DAB1: variants seen among roughly 807,000 people sequenced by gnomAD.
DAB1 encodes DAB adaptor protein 1.
Under a neutral mutation model 64.6 loss-of-function variants are expected in DAB1, and 15 were observed. That is an observed-to-expected ratio of 0.23 (90% confidence interval 0.16 to 0.36). The LOEUF (loss-of-function observed/expected upper bound fraction) is 0.36, where lower values mean the gene tolerates loss of function less well. Ranked by LOEUF, DAB1 falls within the 10% of genes least tolerant of loss-of-function variation. The pLI is 1.00. For synonymous variants in DAB1, 235 were observed against 251.9 expected (o/e 0.93, Z 0.64); for missense variants, 596 against 706.7 (o/e 0.84, Z 1.78).
intron 7 of DAB1, among the ~76,000 whole-genome samples, chr1:57,521,158 T>G (rs1644521294): frequency 6.6e-6 from 1 of 152,194 alleles, no homozygotes; most frequent in Admixed American, 6.5e-5. Flanking sequence ...AAGCTTTCTC[T>G]GCTTCTCAGA....
chr1:58,439,789 C>G (rs1328862440), intron 3 of DAB1, among the ~76,000 whole-genome samples: 1 of 152,132 alleles, frequency 6.6e-6, no homozygotes, highest in Non-Finnish European at 1.5e-5. Flanking sequence ...TGTTGAGGCC[C>G]GTCTGTATAA....
At chr1:57,263,576 A>G (rs972781424) in intron 2 of DAB1, among the ~76,000 whole-genome samples, 1 of 152,202 alleles carries the variant, frequency 6.6e-6, no homozygotes, top group African/African-American at 2.4e-5. Flanking sequence ...GAGAAGTAGT[A>G]GCAGTGGTAG....
intron 1 of DAB1, among the ~76,000 whole-genome samples, chr1:57,336,024 G>A (rs970782993): frequency 6.6e-6 from 1 of 152,228 alleles, no homozygotes; most frequent in Non-Finnish European, 1.5e-5. Flanking sequence ...GCATTATGAT[G>A]TGATAAAACC....
chr1:57,796,665 G>A (rs1413915653), intron 6 of DAB1, among the ~76,000 whole-genome samples: 1 of 152,076 alleles, frequency 6.6e-6, no homozygotes, highest in Non-Finnish European at 1.5e-5. Context: ...ACACCCACTG[G>A]AGAAAGCAAA....
intron 4 of DAB1, among the ~76,000 whole-genome samples, chr1:57,134,348 G>A (rs1657892958): frequency 6.6e-6 from 1 of 152,008 alleles, no homozygotes; most frequent in Non-Finnish European, 1.5e-5. Context: ...ACTTTTGGAG[G>A]CCAAGGTGGG....
At chr1:58,301,804 G>A (rs566111830) in intron 4 of DAB1, among the ~76,000 whole-genome samples, 16 of 152,154 alleles carry the variant, frequency 1.1e-4, no homozygotes, top group South Asian at 4.2e-4. Context: ...GGACAAAAAC[G>A]GTTAATCTTA....
At chr1:57,655,774 C>G (rs1371791748) in intron 6 of DAB1, among the ~76,000 whole-genome samples, 1 of 152,088 alleles carries the variant, frequency 6.6e-6, no homozygotes, top group African/African-American at 2.4e-5. Context: ...GTAAAATATA[C>G]AATAGAAATT....
chr1:57,012,480 G>C (rs966343844), intron 12 of DAB1, among the ~76,000 whole-genome samples: 1 of 152,144 alleles, frequency 6.6e-6, no homozygotes, highest in Non-Finnish European at 1.5e-5. Context: ...ATTTAACAGA[G>C]CTCTGTCTGA....
At chr1:58,257,839 A>G (rs540360445) in intron 4 of DAB1, among the ~76,000 whole-genome samples, 3 of 152,282 alleles carry the variant, frequency 2.0e-5, no homozygotes, top group Admixed American at 6.5e-5. Flanking sequence ...GTAAGGCCCC[A>G]AAAGGTTACG....
Position 58,300,648 on chromosome 1 carries a change from GGAAGGAAGGA to G in DAB1, n.309+42694_309+42703del, listed in dbSNP as rs1274700763. 3.7e-3 allele frequency among the ~76,000 whole-genome samples: 194 copies of G among 51,774 alleles called. 10 individuals are homozygous for G. Among genetic ancestry groups the G allele is most frequent in the African/African-American group, 0.013 (178 of 13,556 alleles). 34.0% of individuals were successfully genotyped at this position (51,774 alleles called of 152,430 possible). A position where few individuals can be genotyped will look rare whatever the true frequency, so the allele number is the denominator to read the frequency against. On this transcript the variant is annotated intron_variant and non_coding_transcript_variant, in intron 4 of 20. Transcript: ENST00000485760. The stretch of plus-strand genomic sequence containing the variant: ...AGAGAGAGAGAGAGAGAGAGAGAGA[GGAAGGAAGGA>G]AGGAAGGAAGGAAGGAAGGAAGGAA...
At chr1:57,003,406 A>G (rs1557508886) in intron 14 of DAB1, among the ~76,000 whole-genome samples, 1 of 151,982 alleles carries the variant, frequency 6.6e-6, no homozygotes, top group East Asian at 1.9e-4. Flanking sequence ...TCCTGTCTTC[A>G]TTTTACAGCA....
intron 1 of DAB1, among the ~76,000 whole-genome samples, chr1:57,370,436 G>C (rs1183605439): frequency 1.3e-5 from 2 of 152,118 alleles, no homozygotes; most frequent in Non-Finnish European, 2.9e-5. Flanking sequence ...CTCATAAAGT[G>C]AAATAAAAGA....
At chr1:58,310,374 T>C (rs1024683707) in intron 4 of DAB1, among the ~76,000 whole-genome samples, 1 of 152,184 alleles carries the variant, frequency 6.6e-6, no homozygotes, top group Non-Finnish European at 1.5e-5. Context: ...CAAAAAGATT[T>C]TGAAGGAATT....
At chr1:57,884,950 C>T (rs1644200739), upstream of DAB1, among the ~76,000 whole-genome samples, 1 of 152,228 alleles carries the variant, frequency 6.6e-6, no homozygotes. Flanking sequence ...CTCTCCCCTT[C>T]CACCATGAAG....
At chr1:58,347,828 C>T (rs1450352220) in intron 3 of DAB1, among the ~76,000 whole-genome samples, 1 of 152,086 alleles carries the variant, frequency 6.6e-6, no homozygotes, top group Non-Finnish European at 1.5e-5. Flanking sequence ...CACCTTGCCC[C>T]CTTGGCTTGA....
chr1:58,139,301 A>G (rs150456813), intron 5 of DAB1, among the ~76,000 whole-genome samples: 239 of 152,310 alleles, frequency 1.6e-3, no homozygotes, highest in African/African-American at 5.5e-3. Flanking sequence ...GTATTCGTCC[A>G]TTCTCATGCT....
chr1:58,500,760 A>G (rs1645893667), intron 3 of DAB1, among the ~76,000 whole-genome samples: 1 of 152,148 alleles, frequency 6.6e-6, no homozygotes, highest in Non-Finnish European at 1.5e-5. Flanking sequence ...TTCACCCAAC[A>G]AAGAGGGGAT....
intron 7 of DAB1, among the ~76,000 whole-genome samples, chr1:57,606,783 T>TAC (rs1645658094): frequency 3.5e-5 from 1 of 28,686 alleles, no homozygotes; most frequent in East Asian, 2.7e-3. Flanking sequence ...ATATATTTTA[T>TAC]ACATATATAT....
chr1:58,124,797 G>A (rs1487330112), intron 5 of DAB1, among the ~76,000 whole-genome samples: 7 of 152,084 alleles, frequency 4.6e-5, no homozygotes, highest in Admixed American at 6.6e-5. Flanking sequence ...GAATTATAAC[G>A]TCACATTCCT....
Sources: allele counts gnomAD v4.1 joint callset (sites outside exome capture counted in the v4.1 genomes callset), GRCh38; gene constraint gnomAD v4.1.1; transcripts MANE v1.5; gene names NCBI Gene and HGNC (gene_info 2026-07-23, HGNC 2026-07-21).